The following HRH1 variants were observed in gnomAD, a reference collection of about 807,000 sequenced individuals.
HRH1 encodes the protein histamine receptor H1, also known as histamine H1 receptor.
In HRH1, 6 loss-of-function variants were observed where a neutral mutation model predicts 10.3. The ratio of observed to expected loss-of-function variants is 0.58; its 90% confidence interval spans 0.32 to 1.15. The LOEUF is 1.15. HRH1 is among the 50% of genes most tolerant of loss of function. HRH1 has a pLI of 0.05. For synonymous variants in HRH1, 242 were observed against 236.7 expected (o/e 1.02, Z -0.21); for missense variants, 514 against 615.3 (o/e 0.84, Z 1.74).
intron 1 of HRH1, among the ~76,000 whole-genome samples, chr3:11,139,142 C>T (rs1936245081): frequency 6.6e-6 from 1 of 151,880 alleles, no homozygotes. Context: ...CATGCGCCAC[C>T]ATGCCCGGCT....
At chr3:11,214,968 A>G (rs932835058) in intron 1 of HRH1, among the ~76,000 whole-genome samples, 1 of 152,258 alleles carries the variant, frequency 6.6e-6, no homozygotes, top group African/African-American at 2.4e-5. Context: ...ATAGATACCT[A>G]TAATAGGCTG....
At chr3:11,148,623 G>GA (rs1357942844) in intron 1 of HRH1, among the ~76,000 whole-genome samples, 2 of 151,952 alleles carry the variant, frequency 1.3e-5, no homozygotes, top group Admixed American at 6.6e-5. Context: ...CCAAGCAGCA[G>GA]AAAAAAAGAA....
intron 1 of HRH1, among the ~76,000 whole-genome samples, chr3:11,179,770 T>G (rs57608432): frequency 9.1e-6 from 1 of 109,520 alleles, no homozygotes; most frequent in East Asian, 3.0e-4. Flanking sequence ...TGTGTGTGGC[T>G]TTTTTTTTTT....
At chr3:11,245,372 C>T (rs757699063) in intron 1 of HRH1, among the ~76,000 whole-genome samples, 1 of 152,046 alleles carries the variant, frequency 6.6e-6, no homozygotes, top group Non-Finnish European at 1.5e-5. Context: ...AATAGAGAAA[C>T]CCTGAGTTAG....
intron 1 of HRH1, among the ~76,000 whole-genome samples, chr3:11,171,966 C>T (rs910205609): frequency 1.3e-5 from 2 of 152,210 alleles, no homozygotes; most frequent in African/African-American, 4.8e-5. Flanking sequence ...TTTGTAGGTG[C>T]TACTTGGTTT....
At chr3:11,220,687 G>A (rs372728872) in intron 1 of HRH1, among the ~76,000 whole-genome samples, 4 of 152,056 alleles carry the variant, frequency 2.6e-5, no homozygotes, top group South Asian at 4.1e-4. Flanking sequence ...CTCCTTTATC[G>A]GGCTGCGCTG....
At chr3:11,187,349 A>AT (rs902537831) in intron 1 of HRH1, among the ~76,000 whole-genome samples, 13 of 151,636 alleles carry the variant, frequency 8.6e-5, no homozygotes, top group Non-Finnish European at 1.5e-4. Flanking sequence ...TCTGTCCGTA[A>AT]TTTTTTTTTC....
chr3:11,160,083 A>G (rs1191666016), intron 1 of HRH1, among the ~76,000 whole-genome samples: 1 of 152,236 alleles, frequency 6.6e-6, no homozygotes, highest in East Asian at 1.9e-4. Flanking sequence ...TGCTTCAGAC[A>G]GTATACCTGT....
chr3:11,248,443 C>T (rs575908691), intron 1 of HRH1, among the ~76,000 whole-genome samples: 47 of 152,112 alleles, frequency 3.1e-4, no homozygotes, highest in South Asian at 6.2e-4. Context: ...CCAGGAGGGA[C>T]GTGTCTCTTT....
At chr3:11,234,325 C>T in intron 1 of HRH1, 1 of 1,582,088 alleles carries the variant, frequency 6.3e-7, no homozygotes, top group Non-Finnish European at 8.7e-7. Flanking sequence ...GTTCTGCTGG[C>T]TTCTTCTCTC....
intron 1 of HRH1, among the ~76,000 whole-genome samples, chr3:11,205,564 C>T (rs1575010427): frequency 6.6e-6 from 1 of 152,120 alleles, no homozygotes; most frequent in Non-Finnish European, 1.5e-5. Flanking sequence ...ACTCAGCAAG[C>T]GCATGGCACA....
upstream of HRH1, among the ~76,000 whole-genome samples, chr3:11,150,386 G>A (rs183774733): frequency 2.0e-5 from 3 of 152,384 alleles, no homozygotes; most frequent in East Asian, 1.9e-4. Flanking sequence ...TGGGGCGGCT[G>A]CATGAGAAAG....
At chr3:11,236,605 G>A (rs1361643069) in intron 1 of HRH1, among the ~76,000 whole-genome samples, 4 of 152,170 alleles carry the variant, frequency 2.6e-5, no homozygotes, top group Admixed American at 6.5e-5. Context: ...AAGGAAGGGA[G>A]AATGAATGGA....
Position 11,261,292 on chromosome 3 carries a change from C to A in HRH1, c.*791C>A, listed in dbSNP as rs539795015. ...AATGAAATATTTTTGAATGGTTGCA[C>A]GTTAAAAATTAAAAGAAGGAATGGG... On this transcript the variant is annotated 3_prime_UTR_variant, in exon 2 of 2. Transcript: ENST00000431010. 1.8e-5 allele frequency: 3 copies of A among 167,036 alleles called. No homozygotes were observed. The Admixed American group carries it at 2.0e-4, about 11-fold the overall frequency. The allele number at this position is 167,036 out of a possible 1,614,324, so 10.3% of individuals were successfully genotyped here.
At chr3:11,141,610 C>T (rs1174372341) in intron 1 of HRH1, among the ~76,000 whole-genome samples, 1 of 152,176 alleles carries the variant, frequency 6.6e-6, no homozygotes, top group Admixed American at 6.5e-5. Context: ...CTCCACAGAG[C>T]TTCTTGAGTG....
chr3:11,239,858 T>A (rs141899006), intron 1 of HRH1, among the ~76,000 whole-genome samples: 9 of 152,176 alleles, frequency 5.9e-5, no homozygotes, highest in South Asian at 2.1e-4. Flanking sequence ...TCTGGAGATT[T>A]TGCATGAAAT....
chr3:11,190,516 G>A (rs1937517347), intron 1 of HRH1, among the ~76,000 whole-genome samples: 1 of 151,888 alleles, frequency 6.6e-6, no homozygotes, highest in South Asian at 2.1e-4. Context: ...TCAGCCTCCT[G>A]AGTAGCTGGG....
intron 1 of HRH1, among the ~76,000 whole-genome samples, chr3:11,252,237 T>C (rs1427569736): frequency 6.6e-6 from 1 of 152,224 alleles, no homozygotes; most frequent in African/African-American, 2.4e-5. Context: ...TCAAGCCCAA[T>C]TTTCCATTTG....
At chr3:11,164,126 C>T (rs1253529935) in intron 1 of HRH1, among the ~76,000 whole-genome samples, 1 of 152,198 alleles carries the variant, frequency 6.6e-6, no homozygotes, top group African/African-American at 2.4e-5. Flanking sequence ...TGGGTAAAGA[C>T]ATGGAGGGAG....
Sources: gnomAD v4.1 joint callset for allele counts (sites outside exome capture counted in the v4.1 genomes callset) on GRCh38, gnomAD v4.1.1 for gene constraint, MANE v1.5 for transcripts, NCBI Gene and HGNC (gene_info 2026-07-23, HGNC 2026-07-21) for gene names.